Variants in ARHGEF37 observed in about 807,000 individuals in gnomAD.
ARHGEF37 encodes the protein Rho guanine nucleotide exchange factor 37.
In ARHGEF37, 55 loss-of-function variants were observed where a neutral mutation model predicts 71.1. The ratio of observed to expected loss-of-function variants is 0.77; its 90% CI spans 0.62 to 0.97. The LOEUF is 0.97. Among genes scored for constraint, ARHGEF37 ranks in the 50% least tolerant of loss-of-function variants. The pLI is 0.00. For synonymous variants in ARHGEF37, 327 were observed against 350.6 expected, an observed-to-expected ratio of 0.93 and a Z score of 0.75; for missense variants, 765 against 836.8, an observed-to-expected ratio of 0.91 and a Z score of 1.06.
At chr5:149,629,080 T>G (rs1042214310) in intron 12 of ARHGEF37, 114 bp downstream of exon 12, 1 of 1,338,756 alleles carries the variant, frequency 7.5e-7, no homozygotes, top group African/African-American at 1.5e-5. Context: ...GCTGCCACTC[T>G]GTGAGACCAA....
chr5:149,580,844 G>A (rs1434333791), upstream of ARHGEF37, among the ~76,000 whole-genome samples: 1 of 152,158 alleles, frequency 6.6e-6, no homozygotes, highest in Admixed American at 6.5e-5. Flanking sequence ...TGGTTGCCCC[G>A]ATATGAAACT....
chr5:149,611,450 T>A (rs1227310852), intron 4 of ARHGEF37, among the ~76,000 whole-genome samples: 1 of 152,252 alleles, frequency 6.6e-6, no homozygotes, highest in African/African-American at 2.4e-5. Context: ...AGACATTTAA[T>A]AAACACTGTG....
chr5:149,591,743 A>ATTAAT, intron 1 of ARHGEF37, among the ~76,000 whole-genome samples: 2 of 152,336 alleles, frequency 1.3e-5, no homozygotes. Flanking sequence ...TTCACTTTCA[A>ATTAAT]TACTGTATTC....
chr5:149,594,026 G>A (rs1763480097), intron 1 of ARHGEF37, among the ~76,000 whole-genome samples: 1 of 152,120 alleles, frequency 6.6e-6, no homozygotes, highest in Non-Finnish European at 1.5e-5. Flanking sequence ...AATAGTTGGG[G>A]AGTATATGTG....
upstream of ARHGEF37, among the ~76,000 whole-genome samples, chr5:149,578,286 A>C (rs1271926039): frequency 1.3e-5 from 2 of 152,218 alleles, no homozygotes. Flanking sequence ...TGTGCAACCC[A>C]AAAGACTCCA....
chr5:149,566,504 C>A (rs555347347), intron 1 of ARHGEF37, among the ~76,000 whole-genome samples: 1 of 142,530 alleles, frequency 7.0e-6, no homozygotes, highest in East Asian at 2.4e-4. Context: ...TCAACCCCCC[C>A]ATCCTCCCCC....
chr5:149,601,293 G>A (rs1347784189), intron 3 of ARHGEF37, 62 bp downstream of exon 3: 25 of 1,561,752 alleles, frequency 1.6e-5, no homozygotes, highest in Non-Finnish European at 2.2e-5. Context: ...CTCAGCGAGT[G>A]GTCACTGCTT....
intron 1 of ARHGEF37, among the ~76,000 whole-genome samples, chr5:149,595,834 G>A (rs531962848): frequency 2.6e-5 from 4 of 152,290 alleles, no homozygotes; most frequent in Admixed American, 2.6e-4. Context: ...CCTAAACCCA[G>A]TGAAGGCAGG....
chr5:149,620,243 G>A, intron 7 of ARHGEF37, 111 bp from the exon 8 acceptor site: 2 of 674,596 alleles, frequency 3.0e-6, no homozygotes, highest in Non-Finnish European at 5.2e-6. Context: ...CCTCTCATTG[G>A]GGGTGTGTAG....
chr5:149,598,357 CTCTTCCTCT>C lies in ARHGEF37; in HGVS notation c.186+414_186+422del, dbSNP rs1210098464. Among the ~76,000 whole-genome samples the C allele has an allele frequency of 7.2e-3, 462 of 64,156 alleles. 10 individuals carry two copies. Among genetic ancestry groups the C allele is most frequent in the African/African-American group, 0.028 (438 of 15,384 alleles). 42.1% of individuals were successfully genotyped at this position (64,156 alleles called of 152,430 possible). A position where few individuals can be genotyped will look rare whatever the true frequency, so the allele number is the denominator to read the frequency against. ...CCTCTTCCTCTTCCTCTTCTTCTTC[CTCTTCCTCT>C]TCTTCCTCTTCCTCTTCTTCCTCTT... On this transcript the variant is annotated intron_variant, in intron 2 of 12. Coordinates refer to ENST00000333677, the MANE Select transcript of ARHGEF37 (RefSeq NM_001001669.3).
At position 149,624,147 on chromosome 5, in the gene ARHGEF37, A is replaced by G; in HGVS notation, c.1464+7A>G. ...GCCACCTCCCACCACACAAGTAAGC[A>G]TCCTTCCTCCACCCCAAAGACTGTC... On this transcript the variant is annotated splice_region_variant and intron_variant, in intron 10 of 12. Coordinates refer to ENST00000333677, the MANE Select transcript of ARHGEF37 (RefSeq NM_001001669.3). 6.2e-7 allele frequency: 1 copy of G among 1,604,428 alleles called. No individual in the cohort carries two copies. Among genetic ancestry groups the G allele is most frequent in the South Asian group, 1.1e-5 (1 of 90,466 alleles).
At position 149,621,919 on chromosome 5, in the gene ARHGEF37, C is replaced by T; in HGVS notation, c.1192C>T (p.Leu398Phe). The T allele has an allele frequency of 6.2e-7, 1 of 1,614,250 alleles. No individual in the cohort carries two copies. Among genetic ancestry groups the T allele is most frequent in the Non-Finnish European group, 8.5e-7 (1 of 1,180,046 alleles). ...GGCCGCCCGGCACACATACCAGGCACTCAACTCGCTGCTAGTGGCTGAGCT... is the reference window on the plus strand; with the variant it reads ...GGCCGCCCGGCACACATACCAGGCATTCAACTCGCTGCTAGTGGCTGAGCT... ...EEAARHTYQA[L>F]NSLLVAELPQ... The change falls in exon 9 of 13, where the codon CTC becomes TTC. Residue 398 changes from leucine (L) to phenylalanine (F), a missense_variant. Coordinates refer to ENST00000333677, the MANE Select transcript of ARHGEF37 (RefSeq NM_001001669.3).
intron 1 of ARHGEF37, among the ~76,000 whole-genome samples, chr5:149,584,943 G>A (rs1240388032): frequency 6.6e-6 from 1 of 152,082 alleles, no homozygotes; most frequent in East Asian, 1.9e-4. Context: ...TTTCTATATT[G>A]TTTATTTAGT....
At position 149,632,236 on chromosome 5, in the gene ARHGEF37, T is replaced by C; in HGVS notation, c.*45T>C. On this transcript the variant is annotated 3_prime_UTR_variant, in exon 13 of 13. Coordinates refer to ENST00000333677, the MANE Select transcript of ARHGEF37 (RefSeq NM_001001669.3). ...ACATTGCCAAATGATGGGGGAGGCT[T>C]AGAGGCTCTGACCCTGGGGGGAAAA... is the stretch of plus-strand genomic sequence containing the variant. The C allele has an allele frequency of 1.9e-6, 3 of 1,596,792 alleles. No homozygotes were observed. The highest frequency in any genetic ancestry group is 2.6e-6 in the Non-Finnish European group (3 of 1,167,236).
intron 1 of ARHGEF37, among the ~76,000 whole-genome samples, chr5:149,585,426 G>A (rs1763203682): frequency 6.6e-6 from 1 of 152,194 alleles, no homozygotes; most frequent in Admixed American, 6.5e-5. Context: ...AAGTAACGAT[G>A]TATTGATACA....
Position 149,596,319 on chromosome 5 carries a change from T to G in ARHGEF37, c.-11-1440T>G, listed in dbSNP as rs1257862359. ...TATTGCCCTTTACGCTTTATTATTA[T>G]TTTGAGATGGAGTCTTGCTCTGTCA... On this transcript the variant is annotated intron_variant, in intron 1 of 12. Coordinates refer to ENST00000333677, the MANE Select transcript of ARHGEF37 (RefSeq NM_001001669.3). Among the ~76,000 whole-genome samples the G allele has an allele frequency of 4.6e-5, 7 of 152,282 alleles. No individual in the cohort carries two copies. The East Asian group carries it at 1.2e-3, about 25-fold the overall frequency.
chr5:149,588,513 G>A (rs1209132481), intron 1 of ARHGEF37, among the ~76,000 whole-genome samples: 1 of 151,776 alleles, frequency 6.6e-6, no homozygotes, highest in Non-Finnish European at 1.5e-5. Context: ...TGGCCAGGCT[G>A]GTCTCGAACT....
chr5:149,564,234 A>G (rs1762871781), intron 1 of ARHGEF37, among the ~76,000 whole-genome samples: 1 of 152,030 alleles, frequency 6.6e-6, no homozygotes, highest in Admixed American at 6.6e-5. Context: ...TTTAATATTT[A>G]TACAGTGCTT....
intron 1 of ARHGEF37, 140 bp from the exon 2 acceptor site, chr5:149,597,619 C>A: frequency 1.4e-6 from 1 of 702,340 alleles, no homozygotes; most frequent in South Asian, 2.5e-5. Context: ...CCTACAAATG[C>A]TAATAAACAG....
Sources: gnomAD v4.1 joint callset for allele counts (sites outside exome capture counted in the v4.1 genomes callset) on GRCh38, gnomAD v4.1.1 for gene constraint, MANE v1.5 for transcripts, NCBI Gene and HGNC (gene_info 2026-07-23, HGNC 2026-07-21) for gene names.